The following R3HDM2 variants were observed in gnomAD, a reference collection of about 807,000 sequenced individuals.
R3HDM2 encodes R3H domain-containing protein 2.
In R3HDM2, 38 loss-of-function variants were observed where a neutral mutation model predicts 124.5. The ratio of observed to expected loss-of-function variants is 0.31; its 90% CI spans 0.24 to 0.40. The LOEUF is 0.40. Among genes scored for constraint, R3HDM2 ranks in the 10% least tolerant of loss-of-function variants. R3HDM2 has a pLI of 1.00. For missense variants in R3HDM2, 869 were observed against 1,236.9 expected (o/e 0.70, Z 4.46); for synonymous variants, 391 against 448.0 (o/e 0.87, Z 1.61).
intron 2 of R3HDM2, among the ~76,000 whole-genome samples, chr12:57,362,692 T>A (rs1030345909): frequency 6.6e-6 from 1 of 152,266 alleles, no homozygotes; most frequent in African/African-American, 2.4e-5. Context: ...TCACTTTATT[T>A]CTGCACGTTA....
At position 57,296,731 on chromosome 12, in the gene R3HDM2, A is replaced by G; in HGVS notation, c.561-180T>C. On this transcript the variant is annotated intron_variant, in intron 8 of 23. Transcript: ENST00000402412. The surrounding 1 kb of genome is among the most constrained non-coding windows in gnomAD (Gnocchi z 4.5). ...TAGGTTTTTCTCAGTTTCTTTATCTACAGTATTCTGCAGATTACTATGACC... is the reference window on the plus strand; with the variant it reads ...TAGGTTTTTCTCAGTTTCTTTATCTGCAGTATTCTGCAGATTACTATGACC... The G allele has an allele frequency of 4.5e-6, 3 of 659,632 alleles. No individual in the cohort carries two copies. Among genetic ancestry groups the G allele is most frequent in the Non-Finnish European group, 7.5e-6 (3 of 401,924 alleles). The allele number at this position is 659,632 out of a possible 1,614,324, so 40.9% of individuals were successfully genotyped here. A position where few individuals can be genotyped will look rare whatever the true frequency, so the allele number is the denominator to read the frequency against.
intron 13 of R3HDM2, among the ~76,000 whole-genome samples, chr12:57,282,251 C>T (rs1315605637): frequency 6.8e-6 from 1 of 147,414 alleles, no homozygotes; most frequent in Non-Finnish European, 1.5e-5. Context: ...GCGGAGGTTG[C>T]AGTGAGCCGA....
intron 1 of R3HDM2, among the ~76,000 whole-genome samples, chr12:57,401,111 G>A (rs1178104782): frequency 1.3e-5 from 2 of 151,120 alleles, no homozygotes; most frequent in Non-Finnish European, 2.9e-5. Context: ...GAATAATAAA[G>A]AACTATGCCC....
At chr12:57,411,845 A>G (rs758484526) in intron 1 of R3HDM2, among the ~76,000 whole-genome samples, 2 of 152,184 alleles carry the variant, frequency 1.3e-5, no homozygotes, top group Non-Finnish European at 2.9e-5. Context: ...GAATTGTAAT[A>G]CCTGGGTGTT....
chr12:57,288,465 GAAT>G (rs2047894395), intron 12 of R3HDM2, among the ~76,000 whole-genome samples: 1 of 151,474 alleles, frequency 6.6e-6, no homozygotes, highest in Non-Finnish European at 1.5e-5. Context: ...GCTGGGTCAG[GAAT>G]AATGTCTACA....
intron 2 of R3HDM2, among the ~76,000 whole-genome samples, chr12:57,336,822 T>TA (rs34945958): frequency 2.5e-3 from 352 of 141,110 alleles, no homozygotes; most frequent in Non-Finnish European, 3.9e-3. Flanking sequence ...AATAAAAGTT[T>TA]AAAAAAAAAA....
rs751149148 is a variant in R3HDM2, at chr12:57,348,718, AAAAGAG to A, written c.-35-38261_-35-38256del. ...CAAAAAAAAAAAAAAAAAAAAAAAA[AAAAGAG>A]AGAGAAAAATTAGCCAGGCATGGTG... On this transcript the variant is annotated intron_variant, in intron 2 of 23. Coordinates refer to ENST00000402412, the MANE Select transcript of R3HDM2 (RefSeq NM_001394031.1). Among the ~76,000 whole-genome samples, 44 of 12,822 alleles carry A rather than the reference AAAAGAG, an allele frequency of 3.4e-3. 4 individuals are homozygous for A. The East Asian group carries it at 0.045, about 13-fold the overall frequency. The allele number at this position is 12,822 out of a possible 152,430, so 8.4% of individuals were successfully genotyped here.
chr12:57,410,225 C>G (rs980813031), intron 1 of R3HDM2, among the ~76,000 whole-genome samples: 33 of 150,756 alleles, frequency 2.2e-4, no homozygotes, highest in African/African-American at 7.8e-4. Flanking sequence ...CTCAACATAA[C>G]CATTCCTTTT....
At chr12:57,411,779 A>G (rs1159777112) in intron 1 of R3HDM2, among the ~76,000 whole-genome samples, 2 of 152,224 alleles carry the variant, frequency 1.3e-5, no homozygotes, top group African/African-American at 4.8e-5. Flanking sequence ...GAAACATTCA[A>G]TACATTGAAC....
At chr12:57,341,554 A>G in intron 2 of R3HDM2, 1 of 278,268 alleles carries the variant, frequency 3.6e-6, no homozygotes, top group South Asian at 1.4e-4. Context: ...AAAAAGTAAT[A>G]CAAAATAAGA....
intron 2 of R3HDM2, among the ~76,000 whole-genome samples, chr12:57,376,724 C>T (rs879554685): frequency 5.9e-5 from 9 of 151,838 alleles, no homozygotes; most frequent in Admixed American, 2.0e-4. Flanking sequence ...CTGAGGCAGG[C>T]GGATCACCTG....
chr12:57,388,654 G>A (rs902215180), intron 2 of R3HDM2, among the ~76,000 whole-genome samples: 1 of 152,156 alleles, frequency 6.6e-6, no homozygotes, highest in Admixed American at 6.5e-5. Flanking sequence ...ATTTGCGCAG[G>A]AGGGCTATGT....
At chr12:57,284,079 A>C (rs1431105528) in intron 12 of R3HDM2, 23 bp from the exon 13 acceptor site, 2 of 1,565,426 alleles carry the variant, frequency 1.3e-6, no homozygotes, top group Non-Finnish European at 1.7e-6. Context: ...TAGTGGTCAG[A>C]GCACCTCCCA....
At chr12:57,405,366 C>CAGTG (rs2068434443) in intron 1 of R3HDM2, among the ~76,000 whole-genome samples, 1 of 152,148 alleles carries the variant, frequency 6.6e-6, no homozygotes, top group Admixed American at 6.6e-5. Flanking sequence ...TGGCTGGGTG[C>CAGTG]AGTGGCTCAT....
intron 2 of R3HDM2, among the ~76,000 whole-genome samples, chr12:57,364,494 C>A (rs2062361403): frequency 6.6e-6 from 1 of 152,114 alleles, no homozygotes; most frequent in Non-Finnish European, 1.5e-5. Flanking sequence ...TCTCACAGTT[C>A]TAGATGCTAA....
intron 2 of R3HDM2, among the ~76,000 whole-genome samples, chr12:57,313,274 T>C (rs2139169607): frequency 6.6e-6 from 1 of 152,210 alleles, no homozygotes; most frequent in South Asian, 2.1e-4. Flanking sequence ...AGATCAAAAC[T>C]GGGAGCTGTG....
At chr12:57,299,989 C>A in intron 5 of R3HDM2, 106 bp downstream of exon 5, 2 of 864,804 alleles carry the variant, frequency 2.3e-6, no homozygotes, top group Admixed American at 2.2e-5. Flanking sequence ...TTCTGAAGTA[C>A]CTTCTACCCT....
intron 2 of R3HDM2, among the ~76,000 whole-genome samples, chr12:57,373,676 G>A (rs2063651567): frequency 6.6e-6 from 1 of 151,716 alleles, no homozygotes; most frequent in Non-Finnish European, 1.5e-5. Flanking sequence ...GGGGGTGGTG[G>A]CGCATGCCTA....
At chr12:57,330,432 C>T (rs2057972613) in intron 2 of R3HDM2, among the ~76,000 whole-genome samples, 1 of 151,982 alleles carries the variant, frequency 6.6e-6, no homozygotes, top group Non-Finnish European at 1.5e-5. Context: ...CAACCTCCGC[C>T]TCCTGGGTTC....
Sources: gnomAD v4.1 joint callset for allele counts (sites outside exome capture counted in the v4.1 genomes callset) on GRCh38, gnomAD v4.1.1 for gene constraint, Gnocchi (gnomAD v3.1) non-coding constraint, MANE v1.5 for transcripts, NCBI Gene and HGNC (gene_info 2026-07-23, HGNC 2026-07-21) for gene names.